The following RANBP2 variants were observed in gnomAD, a reference collection of about 807,000 sequenced individuals.
RANBP2 encodes the protein RAN binding protein 2.
A neutral mutation model predicts 303.6 loss-of-function variants in RANBP2; 57 were observed. The observed-to-expected ratio is 0.19, with a 90% CI of 0.15 to 0.23. RANBP2 has a LOEUF of 0.23. Among genes scored for constraint, RANBP2 ranks in the 10% least tolerant of loss-of-function variants. The pLI, the probability that RANBP2 is intolerant of heterozygous loss-of-function variation, is 1.00. For synonymous variants in RANBP2, 1,167 were observed against 1,301.5 expected, an observed-to-expected ratio of 0.90 and a Z score of 2.23; for missense variants, 3,138 against 3,780.8, an observed-to-expected ratio of 0.83 and a Z score of 4.46.
chr2:109,449,309 C>G, the RANBP2 span: 1 of 1,608,316 alleles, frequency 6.2e-7, no homozygotes, highest in Non-Finnish European at 8.5e-7. Context: ...GCCACCAGCC[C>G]CCGGTGCAGA....
At chr2:109,333,807 AATGGAGATAAT>A in the RANBP2 span, among the ~76,000 whole-genome samples, 1 of 152,194 alleles carries the variant, frequency 6.6e-6, no homozygotes, top group Non-Finnish European at 1.5e-5. Flanking sequence ...TCCACTGTAA[AATGGAGATAAT>A]ATGGAGATAA....
the RANBP2 span, among the ~76,000 whole-genome samples, chr2:109,442,749 G>A: frequency 0.035 from 5,249 of 152,136 alleles, 274 homozygotes; most frequent in African/African-American, 0.11. Flanking sequence ...GAATAAAAAG[G>A]AATCATGAAA....
In RANBP2 at chr2:108,719,490, C is replaced by T. The variant is rs969314012; in HGVS notation, c.-117C>T. ...TGCGCCGCAAGTTCGTCACAGTGGT[C>T]CTCCGCCGGCTACGGCGCTGCGTCA... is the stretch of plus-strand genomic sequence containing the variant. On this transcript the variant is annotated 5_prime_UTR_variant, in exon 1 of 29. Coordinates refer to ENST00000283195, the MANE Select transcript of RANBP2 (RefSeq NM_006267.5). The T allele has an allele frequency of 2.0e-5, 30 of 1,503,252 alleles. No homozygotes were observed. Among genetic ancestry groups the T allele is most frequent in the Non-Finnish European group, 2.7e-5 (30 of 1,115,580 alleles). 93.1% of individuals were successfully genotyped at this position (1,503,252 alleles called of 1,614,324 possible). A position where few individuals can be genotyped will look rare whatever the true frequency, so the allele number is the denominator to read the frequency against.
the RANBP2 span, among the ~76,000 whole-genome samples, chr2:109,196,027 T>C: frequency 6.6e-6 from 1 of 152,116 alleles, no homozygotes; most frequent in Non-Finnish European, 1.5e-5. Context: ...CGCACACCTG[T>C]TTTTCCAAAG....
the RANBP2 span, among the ~76,000 whole-genome samples, chr2:109,083,716 C>T: frequency 6.6e-6 from 1 of 152,164 alleles, no homozygotes; most frequent in African/African-American, 2.4e-5. Context: ...TAATTTGCTG[C>T]AGAACCACCA....
chr2:109,692,776 T>C, the RANBP2 span, among the ~76,000 whole-genome samples: 642 of 152,296 alleles, frequency 4.2e-3, 6 homozygotes, highest in African/African-American at 0.015. Flanking sequence ...TTCCTCATCT[T>C]TTAACCGTCA....
At chr2:109,069,852 G>T in the RANBP2 span, among the ~76,000 whole-genome samples, 1 of 152,118 alleles carries the variant, frequency 6.6e-6, no homozygotes. Context: ...AGTGTTCTAT[G>T]TCCCAGGAAT....
chr2:109,699,305 C>T, the RANBP2 span, among the ~76,000 whole-genome samples: 9 of 152,116 alleles, frequency 5.9e-5, no homozygotes, highest in African/African-American at 1.7e-4. Flanking sequence ...TTGTCTTGGC[C>T]TCTTCATTCT....
chr2:109,709,079 G>A, the RANBP2 span, among the ~76,000 whole-genome samples: 1 of 151,780 alleles, frequency 6.6e-6, no homozygotes, highest in African/African-American at 2.4e-5. Flanking sequence ...AAGGTGGGTG[G>A]ATCACCTGAG....
the RANBP2 span, among the ~76,000 whole-genome samples, chr2:108,886,495 C>T: frequency 7.9e-5 from 12 of 152,064 alleles, no homozygotes; most frequent in Non-Finnish European, 1.2e-4. Context: ...GCTCCCTGCA[C>T]GCTCCGCCTC....
chr2:109,615,498 A>G, the RANBP2 span: 1 of 1,613,748 alleles, frequency 6.2e-7, no homozygotes, highest in East Asian at 2.2e-5. Context: ...CATCGACGCC[A>G]GGACGAGCGG....
At chr2:109,584,474 CAAAAA>C in the RANBP2 span, among the ~76,000 whole-genome samples, 11 of 72,012 alleles carry the variant, frequency 1.5e-4, no homozygotes, top group African/African-American at 4.5e-4. Context: ...GACTCTGTCT[CAAAAA>C]AAAAAAAAAA....
At chr2:109,680,079 C>A in the RANBP2 span, among the ~76,000 whole-genome samples, 1 of 151,844 alleles carries the variant, frequency 6.6e-6, no homozygotes, top group Non-Finnish European at 1.5e-5. Context: ...GGTGTGATGG[C>A]TCACACCTGT....
At chr2:109,577,953 A>C in the RANBP2 span, among the ~76,000 whole-genome samples, 3 of 151,642 alleles carry the variant, frequency 2.0e-5, no homozygotes, top group Non-Finnish European at 4.4e-5. Context: ...ATATAATAGC[A>C]ATCAGGAGAA....
At chr2:109,479,898 G>A in the RANBP2 span, among the ~76,000 whole-genome samples, 21 of 152,066 alleles carry the variant, frequency 1.4e-4, no homozygotes, top group Admixed American at 1.2e-3. Context: ...TGCAGCACGA[G>A]GATCTCCCTG....
the RANBP2 span, among the ~76,000 whole-genome samples, chr2:109,087,349 C>T: frequency 7.8e-4 from 118 of 152,196 alleles, no homozygotes; most frequent in Non-Finnish European, 1.1e-3. Flanking sequence ...AATGCTGCTG[C>T]GGGGGTTCTT....
At chr2:109,629,238 AATGCT>A in the RANBP2 span, among the ~76,000 whole-genome samples, 7 of 145,948 alleles carry the variant, frequency 4.8e-5, no homozygotes, top group Non-Finnish European at 9.0e-5. Context: ...AAATAAATAA[AATGCT>A]TAACTAACAT....
chr2:108,952,769 G>C, the RANBP2 span, among the ~76,000 whole-genome samples: 1 of 152,062 alleles, frequency 6.6e-6, no homozygotes, highest in East Asian at 1.9e-4. Context: ...CGTATGTGTG[G>C]TAATGTTTTA....
chr2:108,744,742 A>G (rs1346699138), intron 7 of RANBP2, among the ~76,000 whole-genome samples: 1 of 152,218 alleles, frequency 6.6e-6, no homozygotes, highest in Non-Finnish European at 1.5e-5. Flanking sequence ...AAAGAATTAT[A>G]TATACATGGT....
Sources: allele counts gnomAD v4.1 joint callset (sites outside exome capture counted in the v4.1 genomes callset), GRCh38; gene constraint gnomAD v4.1.1; transcripts MANE v1.5; gene names NCBI Gene and HGNC (gene_info 2026-07-23, HGNC 2026-07-21).